Variants in TOPAZ1 observed in about 807,000 individuals in gnomAD.
TOPAZ1 encodes protein TOPAZ1.
Under a neutral mutation model 172.2 loss-of-function variants are expected in TOPAZ1, and 66 were observed. That is an observed-to-expected ratio of 0.38 (90% CI 0.31 to 0.47). The LOEUF is 0.47. TOPAZ1 is among the 20% of genes least tolerant of loss of function. TOPAZ1 has a pLI of 0.99. For missense variants in TOPAZ1, 1,822 were observed against 1,972.4 expected, an observed-to-expected ratio of 0.92 and a Z score of 1.44; for synonymous variants, 681 against 683.9, an observed-to-expected ratio of 1.00 and a Z score of 0.07.
intron 15 of TOPAZ1, among the ~76,000 whole-genome samples, chr3:44,308,775 G>C (rs1171294755): frequency 2.3e-4 from 35 of 152,026 alleles, no homozygotes; most frequent in Non-Finnish European, 5.9e-5. Context: ...TTATTACATA[G>C]TATGAATTTT....
At chr3:44,305,575 G>T (rs1419487062) in intron 14 of TOPAZ1, among the ~76,000 whole-genome samples, 2 of 151,868 alleles carry the variant, frequency 1.3e-5, no homozygotes, top group African/African-American at 4.8e-5. Flanking sequence ...TTGCTTCATT[G>T]CCCAGGCTAG....
At chr3:44,257,362 T>G (rs1284563274) in intron 4 of TOPAZ1, among the ~76,000 whole-genome samples, 3 of 20,968 alleles carry the variant, frequency 1.4e-4, no homozygotes, top group African/African-American at 3.7e-4. Flanking sequence ...GGTGTGTGTG[T>G]GTGTGTGTGT....
At chr3:44,290,155 G>A (rs1307116364) in intron 11 of TOPAZ1, among the ~76,000 whole-genome samples, 1 of 152,148 alleles carries the variant, frequency 6.6e-6, no homozygotes, top group Admixed American at 6.5e-5. Flanking sequence ...CCAGGATAAT[G>A]TCATGTAGAA....
At chr3:44,322,916 T>C (rs1700557139) in intron 17 of TOPAZ1, among the ~76,000 whole-genome samples, 176 bp from the exon 18 acceptor site, 1 of 151,950 alleles carries the variant, frequency 6.6e-6, no homozygotes. Flanking sequence ...AGACCCTGTC[T>C]CAAAAAAGGA....
intron 6 of TOPAZ1, among the ~76,000 whole-genome samples, chr3:44,268,197 G>T (rs1699852554): frequency 1.3e-5 from 2 of 151,964 alleles, no homozygotes; most frequent in Non-Finnish European, 2.9e-5. Flanking sequence ...TCAAACAACA[G>T]AAATTTATTT....
intron 3 of TOPAZ1, 56 bp from the exon 4 acceptor site, chr3:44,256,095 A>G: frequency 5.2e-6 from 7 of 1,345,576 alleles, no homozygotes; most frequent in Non-Finnish European, 6.9e-6. Flanking sequence ...CAGCCTTTGA[A>G]TAACTCAGTT....
chr3:44,315,652 G>A (rs998607482), intron 16 of TOPAZ1, among the ~76,000 whole-genome samples: 6 of 151,810 alleles, frequency 4.0e-5, no homozygotes, highest in East Asian at 3.9e-4. Context: ...GATTACAGGC[G>A]TGAGCCACCA....
chr3:44,328,663 T>C (rs1700630010), intron 19 of TOPAZ1, among the ~76,000 whole-genome samples: 1 of 152,148 alleles, frequency 6.6e-6, no homozygotes, highest in African/African-American at 2.4e-5. Flanking sequence ...CGGTAAACAC[T>C]TTAGCAACTT....
chr3:44,300,488 C>T (rs1700259789), intron 12 of TOPAZ1, among the ~76,000 whole-genome samples: 1 of 152,068 alleles, frequency 6.6e-6, no homozygotes, highest in South Asian at 2.1e-4. Context: ...TGAGGATATG[C>T]AGATGGCAAC....
chr3:44,250,467 A>G (rs955961808), intron 2 of TOPAZ1, among the ~76,000 whole-genome samples: 1 of 152,082 alleles, frequency 6.6e-6, no homozygotes, highest in African/African-American at 2.4e-5. Flanking sequence ...TTTAATGTCT[A>G]CCCTGTGCTA....
Position 44,243,588 on chromosome 3 carries a change from A to G in TOPAZ1, c.1082A>G (p.Gln361Arg). Residue 361 changes from glutamine to arginine, a missense_variant, in exon 2 of 20, where the codon CAA (glutamine) becomes CGA (arginine). By Grantham distance (43) the Gln-to-Arg change is conservative (BLOSUM62 1). Around this residue, in one of 2 missense-constraint regions of TOPAZ1, gnomAD observed 1,489 missense variants for 1,490.8 expected, o/e 1.00. Coordinates refer to ENST00000309765, the MANE Select transcript of TOPAZ1 (RefSeq NM_001145030.2). The part of the protein sequence containing the change: ...NEYNKSELML[Q>R]ENQMIADGKE... ...TATAACAAGTCTGAGTTGATGTTGCAAGAAAATCAAATGATTGCTGATGGT... is the reference window on the plus strand; with the variant it reads ...TATAACAAGTCTGAGTTGATGTTGCGAGAAAATCAAATGATTGCTGATGGT... 1 of 1,550,866 alleles carries G rather than the reference A, an allele frequency of 6.4e-7. No individual in the cohort carries two copies. Among genetic ancestry groups the G allele is most frequent in the Non-Finnish European group, 8.7e-7 (1 of 1,146,966 alleles).
intron 8 of TOPAZ1, among the ~76,000 whole-genome samples, chr3:44,271,947 C>A (rs1699903941): frequency 6.6e-6 from 1 of 152,146 alleles, no homozygotes; most frequent in Admixed American, 6.5e-5. Flanking sequence ...AACTACTGTT[C>A]TACTCTCTGC....
chr3:44,321,596 C>G (rs1200138348), intron 17 of TOPAZ1, among the ~76,000 whole-genome samples: 1 of 152,162 alleles, frequency 6.6e-6, no homozygotes, highest in Non-Finnish European at 1.5e-5. Flanking sequence ...ATGCCAAGTT[C>G]AAACGCCAAT....
intron 16 of TOPAZ1, among the ~76,000 whole-genome samples, chr3:44,315,531 C>CAA (rs1553651956): frequency 9.2e-6 from 1 of 109,206 alleles, no homozygotes; most frequent in Non-Finnish European, 1.9e-5. Context: ...CCACGTCTGG[C>CAA]TATTTTTTTT....
chr3:44,268,363 ATTCTTTTTTTTTTTTT>A (rs1699854907), intron 6 of TOPAZ1, among the ~76,000 whole-genome samples: 2 of 91,758 alleles, frequency 2.2e-5, no homozygotes, highest in Non-Finnish European at 4.4e-5. Flanking sequence ...TGTGGTGCCT[ATTCTTTTTTTTTTTTT>A]TTTTTTTTTT....
rs1431549396 is a variant in TOPAZ1 at position 44,244,174 on chromosome 3, C to T, written c.1668C>T (p.Asn556=). 1 of 1,550,920 alleles carries T rather than the reference C, an allele frequency of 6.4e-7. No homozygotes were observed. The highest frequency in any genetic ancestry group is 2.0e-5 in the Admixed American group (1 of 50,936). The change falls in exon 2 of 20, where the codon AAC becomes AAT. Residue 556 remains asparagine, a synonymous_variant. Transcript: ENST00000309765. ...TACAAAGTTCCTTAACAGAAACAAA[C>T]ACTGAATCTTCAAGTAAAGAAAAAT... The part of the protein sequence containing the change: ...LLLQSSLTET[N]TESSSKEKLD...
At chr3:44,246,880 A>G (rs925067931) in intron 2 of TOPAZ1, among the ~76,000 whole-genome samples, 1 of 152,244 alleles carries the variant, frequency 6.6e-6, no homozygotes, top group South Asian at 2.1e-4. Flanking sequence ...CTGTTATACC[A>G]TACTTCCTTG....
chr3:44,306,973 A>G (rs1164816395), intron 15 of TOPAZ1, among the ~76,000 whole-genome samples: 2 of 152,132 alleles, frequency 1.3e-5, no homozygotes, highest in African/African-American at 2.4e-5. Flanking sequence ...TATCAGTTAT[A>G]TTGTAATTTT....
intron 16 of TOPAZ1, among the ~76,000 whole-genome samples, chr3:44,319,274 G>A (rs1174907821): frequency 6.6e-6 from 1 of 152,118 alleles, no homozygotes; most frequent in Non-Finnish European, 1.5e-5. Context: ...GATGATGTGG[G>A]GAGAGAGCAT....
Sources: gnomAD v4.1 joint callset for allele counts (sites outside exome capture counted in the v4.1 genomes callset) on GRCh38, gnomAD v4.1.1 for gene constraint, gnomAD v4.1.1 regional missense constraint, MANE v1.5 for transcripts, NCBI Gene and HGNC (gene_info 2026-07-23, HGNC 2026-07-21) for gene names.